Variants in DERA observed in about 807,000 individuals in gnomAD.
The protein encoded by DERA is 2-deoxy-D-ribose 5-phosphate aldolase.
In DERA, 15 loss-of-function variants were observed where a neutral mutation model predicts 41.1. The observed-to-expected ratio is 0.37, with a 90% CI of 0.24 to 0.56. The LOEUF (loss-of-function observed/expected upper bound fraction) is 0.56. Among genes scored for constraint, DERA ranks in the 20% least tolerant of loss-of-function variants. The probability of loss-of-function intolerance (pLI) is 0.81; values close to 1 mark genes in which losing one functional copy is unlikely to be tolerated. For missense variants in DERA, 396 were observed against 403.4 expected (o/e 0.98, Z 0.16); for synonymous variants, 139 against 137.4 (o/e 1.01, Z -0.08).
At chr12:15,920,660 G>A (rs1022823209) in intron 1 of DERA, among the ~76,000 whole-genome samples, 2 of 151,754 alleles carry the variant, frequency 1.3e-5, no homozygotes, top group South Asian at 2.1e-4. Flanking sequence ...TGGTGAAAGC[G>A]CGTCTCTACT....
At position 15,958,219 on chromosome 12, in the gene DERA, T is replaced by C. The variant is rs1948554994; in HGVS notation, c.161T>C (p.Ile54Thr). ...AAWLLKAVTF[I>T]DLTTLSGDDT... is the part of the protein sequence containing the mutation. Reference sequence around the variant, plus strand: ...TGGCTCCTGAAAGCTGTTACCTTTATAGATCTTACTACACTTTCAGGTGAT... The same window carrying C: ...TGGCTCCTGAAAGCTGTTACCTTTACAGATCTTACTACACTTTCAGGTGAT... Residue 54 changes from isoleucine (I) to threonine (T), a missense_variant, in exon 3 of 9, where the codon ATA (isoleucine) becomes ACA (threonine). Physicochemically the swap from Ile to Thr is moderately conservative, Grantham distance 89 (BLOSUM62 -1). Transcript: ENST00000428559. 1.3e-6 allele frequency: 2 copies of C among 1,585,130 alleles called. No individual in the cohort carries two copies. Among genetic ancestry groups the C allele is most frequent in the Non-Finnish European group, 1.7e-6 (2 of 1,165,092 alleles).
At chr12:15,927,890 G>A (rs1948299228) in intron 1 of DERA, among the ~76,000 whole-genome samples, 1 of 152,058 alleles carries the variant, frequency 6.6e-6, no homozygotes, top group African/African-American at 2.4e-5. Flanking sequence ...GATATGGCAT[G>A]GAATAGTGGC....
intron 4 of DERA, among the ~76,000 whole-genome samples, chr12:15,960,636 C>CAA (rs1163104277): frequency 0.087 from 2,494 of 28,712 alleles, 586 homozygotes; most frequent in Non-Finnish European, 0.091. Flanking sequence ...GACTCCGTCT[C>CAA]AAAAAAAAAA....
rs550124596 is a variant in DERA at position 15,992,617 on chromosome 12, A to C, written c.637+10181A>C. Among the ~76,000 whole-genome samples, 1 of 152,284 alleles carries C rather than the reference A, an allele frequency of 6.6e-6. No individual in the cohort carries two copies. The highest frequency in any genetic ancestry group is 2.1e-4 in the South Asian group (1 of 4,830). ...TTGAAGGGAGTATAATCAGAGAAGA[A>C]AAAAGAGAGCTATACTTTTTTCCTT... is the stretch of plus-strand genomic sequence containing the variant. On this transcript the variant is annotated intron_variant, in intron 6 of 8. Coordinates refer to ENST00000428559, the MANE Select transcript of DERA (RefSeq NM_015954.4). This position sits in a 1 kb window ranked among gnomAD's most constrained non-coding sequence, Gnocchi z 4.3.
chr12:15,920,448 A>G (rs1209622295), intron 1 of DERA, among the ~76,000 whole-genome samples: 1 of 152,150 alleles, frequency 6.6e-6, no homozygotes, highest in Non-Finnish European at 1.5e-5. Flanking sequence ...CTAGTTTACC[A>G]TGAGCTTGGC....
chr12:15,949,664 C>T (rs943254734), intron 1 of DERA, among the ~76,000 whole-genome samples: 5 of 152,186 alleles, frequency 3.3e-5, no homozygotes, highest in Non-Finnish European at 7.3e-5. Context: ...GGTGATGCCT[C>T]GCCCTGCTTC....
chr12:16,028,098 G>A (rs1198965811), intron 6 of DERA, among the ~76,000 whole-genome samples: 1 of 152,220 alleles, frequency 6.6e-6, no homozygotes, highest in Non-Finnish European at 1.5e-5. Flanking sequence ...GCAGCAGTGA[G>A]CATACCTAGC....
At position 15,988,615 on chromosome 12, in the gene DERA, C is replaced by T. The variant is rs73059207; in HGVS notation, c.637+6179C>T. Reference sequence around the variant, plus strand: ...TGGGCCTGGAAAAAGCACCATCGGACTGCCTGAATGGTCATCAATGAAGTT... The same window carrying T: ...TGGGCCTGGAAAAAGCACCATCGGATTGCCTGAATGGTCATCAATGAAGTT... On this transcript the variant is annotated intron_variant, in intron 6 of 8. Coordinates refer to ENST00000428559, the MANE Select transcript of DERA (RefSeq NM_015954.4). The surrounding 1 kb of genome is among the most constrained non-coding windows in gnomAD (Gnocchi z 6.0). Among the ~76,000 whole-genome samples, 31,057 of 152,150 alleles carry T rather than the reference C, an allele frequency of 0.2. 4,432 individuals carry two copies. Among genetic ancestry groups the T allele is most frequent in the African/African-American group, 0.4 (16,677 of 41,494 alleles).
At chr12:15,926,977 T>C (rs1244144711) in intron 1 of DERA, among the ~76,000 whole-genome samples, 2 of 152,202 alleles carry the variant, frequency 1.3e-5, no homozygotes, top group South Asian at 4.1e-4. Flanking sequence ...TTTTGTTTTG[T>C]GGTTCAAATG....
intron 1 of DERA, among the ~76,000 whole-genome samples, chr12:15,949,528 G>A (rs1022896862): frequency 1.3e-5 from 2 of 152,182 alleles, no homozygotes; most frequent in Non-Finnish European, 1.5e-5. Context: ...CTGGTGTGCC[G>A]TTTGCTAAGA....
chr12:15,948,627 T>C (rs1432095691), intron 1 of DERA, among the ~76,000 whole-genome samples: 1 of 152,218 alleles, frequency 6.6e-6, no homozygotes, highest in Non-Finnish European at 1.5e-5. Context: ...GTTTTTATCT[T>C]CTTTGCGACT....
rs1332961969 is a variant in DERA, at chr12:16,010,393, A to T, written c.638-22149A>T. 6.6e-6 allele frequency among the ~76,000 whole-genome samples: 1 copy of T among 152,038 alleles called. No individual in the cohort carries two copies. The highest frequency in any genetic ancestry group is 6.6e-5 in the Admixed American group (1 of 15,258). ...TGTGAATGATTCTGATATCCCAGTGATATAAAACATGATCTGGCAAAATTT... is the reference window on the plus strand; with the variant it reads ...TGTGAATGATTCTGATATCCCAGTGTTATAAAACATGATCTGGCAAAATTT... On this transcript the variant is annotated intron_variant, in intron 6 of 8. Coordinates refer to ENST00000428559, the MANE Select transcript of DERA (RefSeq NM_015954.4). The surrounding 1 kb of genome is among the most constrained non-coding windows in gnomAD (Gnocchi z 5.5).
rs1948807847 is a variant in DERA at position 15,992,337 on chromosome 12, T to G, written c.637+9901T>G. ...TGAACATGTTATTTTAGAGGGCAAC[T>G]CTTATTTTAGTTGAACAAAAAGAGA... is the stretch of plus-strand genomic sequence containing the variant. On this transcript the variant is annotated intron_variant, in intron 6 of 8. Coordinates refer to ENST00000428559, the MANE Select transcript of DERA (RefSeq NM_015954.4). The surrounding 1 kb of genome is among the most constrained non-coding windows in gnomAD (Gnocchi z 4.3). 6.6e-6 allele frequency among the ~76,000 whole-genome samples: 1 copy of G among 152,166 alleles called. No homozygotes were observed. The highest frequency in any genetic ancestry group is 1.5e-5 in the Non-Finnish European group (1 of 67,996).
intron 6 of DERA, among the ~76,000 whole-genome samples, chr12:15,986,404 T>C (rs1948764565): frequency 6.6e-6 from 1 of 152,230 alleles, no homozygotes; most frequent in Non-Finnish European, 1.5e-5. Flanking sequence ...TTTTGGTTCC[T>C]CTTTTCTTGC....
chr12:15,945,623 G>A (rs1948441572), intron 1 of DERA, among the ~76,000 whole-genome samples: 1 of 152,214 alleles, frequency 6.6e-6, no homozygotes, highest in South Asian at 2.1e-4. Context: ...AAGGAGATTT[G>A]GGGTTGAGAC....
chr12:16,029,771 T>G (rs905172651), intron 6 of DERA, among the ~76,000 whole-genome samples: 2 of 149,882 alleles, frequency 1.3e-5, no homozygotes, highest in Non-Finnish European at 3.0e-5. Flanking sequence ...TAGTAGATCT[T>G]CTGCTTTGCT....
intron 1 of DERA, among the ~76,000 whole-genome samples, chr12:15,947,566 T>C (rs2136140390): frequency 6.6e-6 from 1 of 152,336 alleles, no homozygotes; most frequent in South Asian, 2.1e-4. Flanking sequence ...GCTTGGTAGA[T>C]CTTCCTCCAT....
chr12:15,961,309 A>G (rs929339954), intron 4 of DERA, among the ~76,000 whole-genome samples: 8 of 152,172 alleles, frequency 5.3e-5, no homozygotes, highest in Non-Finnish European at 1.0e-4. Flanking sequence ...GTGTATATGG[A>G]TGGATGAATA....
rs1463773541 is a variant in DERA, at chr12:15,921,732, G to A, written c.31+10318G>A. Reference sequence around the variant, plus strand: ...AGTTCAGGCATTCGAGACCAGCCTGGTCAACATGGTGAAACTTTGTTTCTG... The same window carrying A: ...AGTTCAGGCATTCGAGACCAGCCTGATCAACATGGTGAAACTTTGTTTCTG... On this transcript the variant is annotated intron_variant, in intron 1 of 8. Transcript: ENST00000428559. The surrounding 1 kb of genome is among the most constrained non-coding windows in gnomAD (Gnocchi z 5.3). 2.6e-5 allele frequency among the ~76,000 whole-genome samples: 4 copies of A among 152,088 alleles called. No individual in the cohort carries two copies. The East Asian group carries it at 5.8e-4, about 22-fold the overall frequency.
Sources: allele counts gnomAD v4.1 joint callset (sites outside exome capture counted in the v4.1 genomes callset), GRCh38; gene constraint gnomAD v4.1.1; non-coding constraint Gnocchi (gnomAD v3.1); transcripts MANE v1.5; gene names NCBI Gene and HGNC (gene_info 2026-07-23, HGNC 2026-07-21).